Variants in CTBP2 observed in about 807,000 individuals in gnomAD.
CTBP2 encodes C-terminal binding protein 2.
CTBP2 carries 30 observed loss-of-function variants against 80.3 expected under a neutral mutation model. The observed-to-expected ratio is 0.37, with a 90% confidence interval of 0.28 to 0.51. The LOEUF (loss-of-function observed/expected upper bound fraction) is 0.51. Among genes scored for constraint, CTBP2 ranks in the 20% least tolerant of loss-of-function variants. The pLI is 0.93. For synonymous variants in CTBP2, 594 were observed against 587.4 expected, an observed-to-expected ratio of 1.01 and a Z score of -0.16; for missense variants, 1,212 against 1,375.3, an observed-to-expected ratio of 0.88 and a Z score of 1.88.
At chr10:125,065,723 C>G (rs982073939) in intron 2 of CTBP2, among the ~76,000 whole-genome samples, 1 of 152,178 alleles carries the variant, frequency 6.6e-6, no homozygotes, top group Non-Finnish European at 1.5e-5. Context: ...AATTTACATC[C>G]ATTCGTGCTC....
intron 2 of CTBP2, among the ~76,000 whole-genome samples, chr10:125,062,536 G>C: frequency 6.6e-6 from 1 of 152,008 alleles, no homozygotes; most frequent in Non-Finnish European, 1.5e-5. Context: ...CGAGGGGTTA[G>C]AGTTAGGGTT....
rs753716854 is a variant in CTBP2 at position 124,994,451 on chromosome 10, C to T, written c.2400+18G>A. On this transcript the variant is annotated intron_variant, in intron 5 of 8. Transcript: ENST00000309035. ...CACCTTTCGACAGAAGCTTCCATGG[C>T]ATCTATTTTCAAATTACCTGCTTTA... 9 of 1,611,886 alleles carry T rather than the reference C, an allele frequency of 5.6e-6. No homozygotes were observed. The highest frequency in any genetic ancestry group is 6.8e-6 in the Non-Finnish European group (8 of 1,177,964).
chr10:124,993,176 C>G (rs776431237), intron 7 of CTBP2, 26 bp downstream of exon 9: 2 of 1,581,192 alleles, frequency 1.3e-6, no homozygotes, highest in Non-Finnish European at 1.7e-6. Context: ...CTGCCCTTGG[C>G]AGGCCAGAGG....
intron 3 of CTBP2, among the ~76,000 whole-genome samples, chr10:125,002,566 A>C (rs1161358218): frequency 6.6e-6 from 1 of 152,160 alleles, no homozygotes; most frequent in Non-Finnish European, 1.5e-5. Context: ...TGCACACGGC[A>C]GGGGCAGTTT....
intron 2 of CTBP2, among the ~76,000 whole-genome samples, chr10:125,065,014 C>G (rs936178075): frequency 6.6e-6 from 1 of 152,210 alleles, no homozygotes; most frequent in Non-Finnish European, 1.5e-5. Flanking sequence ...CCACAGGTAA[C>G]CACAACTGTT....
At chr10:125,023,506 G>A (rs986649955) in intron 1 of CTBP2, among the ~76,000 whole-genome samples, 8 of 152,188 alleles carry the variant, frequency 5.3e-5, no homozygotes, top group African/African-American at 9.6e-5. Context: ...AGGGCTCCGC[G>A]ACTTGTGCCA....
At chr10:125,080,562 G>C (rs780749949) in intron 2 of CTBP2, among the ~76,000 whole-genome samples, 15 of 152,336 alleles carry the variant, frequency 9.8e-5, no homozygotes, top group Admixed American at 9.2e-4. Flanking sequence ...ATCTCCTGTG[G>C]ATCTTTTCTA....
chr10:125,114,049 T>A (rs543794887), intron 1 of CTBP2, among the ~76,000 whole-genome samples: 9 of 152,314 alleles, frequency 5.9e-5, no homozygotes, highest in African/African-American at 2.2e-4. Context: ...TTGCTGACAG[T>A]GCGGCGTGGA....
intron 3 of CTBP2, among the ~76,000 whole-genome samples, chr10:125,037,766 C>T (rs2937999): frequency 6.6e-6 from 1 of 152,042 alleles, no homozygotes; most frequent in East Asian, 1.9e-4. Flanking sequence ...GGGAGCAGTA[C>T]GAAATTGGAT....
intron 1 of CTBP2, among the ~76,000 whole-genome samples, chr10:125,148,236 C>T (rs1280905812): frequency 6.6e-6 from 1 of 152,180 alleles, no homozygotes; most frequent in Non-Finnish European, 1.5e-5. Context: ...AAAGTGAGCA[C>T]AGCAGTTAGC....
At chr10:125,035,441 G>A (rs943110456) in intron 3 of CTBP2, among the ~76,000 whole-genome samples, 1 of 152,138 alleles carries the variant, frequency 6.6e-6, no homozygotes, top group East Asian at 1.9e-4. Flanking sequence ...TACCATCCTC[G>A]GGGGACCATT....
At chr10:125,118,957 G>A (rs1032750351) in intron 1 of CTBP2, among the ~76,000 whole-genome samples, 2 of 152,314 alleles carry the variant, frequency 1.3e-5, no homozygotes, top group East Asian at 1.9e-4. Context: ...CTGCCAGAAG[G>A]AGCGGACATA....
At chr10:125,112,829 C>T (rs918542288) in intron 1 of CTBP2, among the ~76,000 whole-genome samples, 3 of 152,178 alleles carry the variant, frequency 2.0e-5, no homozygotes, top group Admixed American at 2.0e-4. Context: ...GGCTAATCTC[C>T]TAGGATCCAA....
At position 125,066,104 on chromosome 10, in the gene CTBP2, G is replaced by T. The variant is rs528301523; in HGVS notation, c.-101-26949C>A. Among the ~76,000 whole-genome samples the T allele has an allele frequency of 6.6e-6, 1 of 151,492 alleles. No individual in the cohort carries two copies. Among genetic ancestry groups the T allele is most frequent in the East Asian group, 1.9e-4 (1 of 5,132 alleles). The stretch of plus-strand genomic sequence containing the variant: ...AAAAAAAGCCGTCATCTTCTTGATG[G>T]TGAACTCCCTCTAATGCTCAGGCTG... On this transcript the variant is annotated intron_variant, in intron 2 of 10. Coordinates refer to the CTBP2 transcript ENST00000337195. This position sits in a 1 kb window ranked among gnomAD's most constrained non-coding sequence, Gnocchi z 4.1.
chr10:125,052,155 G>A (rs765118470), intron 2 of CTBP2, among the ~76,000 whole-genome samples: 5 of 152,216 alleles, frequency 3.3e-5, no homozygotes, highest in African/African-American at 4.8e-5. Flanking sequence ...GCAAGCTCAG[G>A]ACCCCCCGGC....
At chr10:125,084,480 T>G (rs904391100) in intron 2 of CTBP2, among the ~76,000 whole-genome samples, 1 of 152,148 alleles carries the variant, frequency 6.6e-6, no homozygotes, top group Non-Finnish European at 1.5e-5. Context: ...GTGGAGTCCC[T>G]ACCAGTCCGG....
At chr10:125,126,669 A>G (rs534043609) in intron 1 of CTBP2, among the ~76,000 whole-genome samples, 1 of 152,352 alleles carries the variant, frequency 6.6e-6, no homozygotes, top group Admixed American at 6.5e-5. Flanking sequence ...AGAAGCTACT[A>G]TCTGCTCCCC....
intron 1 of CTBP2, among the ~76,000 whole-genome samples, chr10:125,005,365 CTGA>C (rs1352472141): frequency 6.6e-6 from 1 of 152,132 alleles, no homozygotes; most frequent in Non-Finnish European, 1.5e-5. Flanking sequence ...GCAGCTGCAC[CTGA>C]CGCTCAGACA....
rs75420260 is a variant in CTBP2 at position 124,994,593 on chromosome 10, C to T, written c.2276G>A (p.Arg759Gln). The T allele has an allele frequency of 3.7e-6, 6 of 1,614,038 alleles. No individual in the cohort carries two copies. Among genetic ancestry groups the T allele is most frequent in the Non-Finnish European group, 5.1e-6 (6 of 1,179,904 alleles). The stretch of plus-strand genomic sequence containing the variant: ...GTAGACCCTCTGCACGCCCAGGGAC[C>T]GCTCGATCCCATCCTGCAAGTAGGG... The change falls in exon 5 of 9, where the codon CGG (arginine) becomes CAG (glutamine). Residue 759 changes from arginine (R) to glutamine (Q), a missense_variant. Physicochemically the swap from Arg to Gln is conservative, Grantham distance 43. This residue lies in a region of CTBP2 where 335 missense variants were observed against 504.7 expected (regional missense o/e 0.66). Transcript: ENST00000309035.
Sources: allele counts gnomAD v4.1 joint callset (sites outside exome capture counted in the v4.1 genomes callset), GRCh38; gene constraint gnomAD v4.1.1; regional missense constraint gnomAD v4.1.1; non-coding constraint Gnocchi (gnomAD v3.1); transcripts MANE v1.5; gene names NCBI Gene and HGNC (gene_info 2026-07-23, HGNC 2026-07-21).